Variants in ZFPM1 observed in about 807,000 individuals in gnomAD.
The protein encoded by ZFPM1 is zinc finger protein ZFPM1.
A neutral mutation model predicts 46.3 loss-of-function variants in ZFPM1; 28 were observed. The observed-to-expected ratio is 0.60, with a 90% CI of 0.45 to 0.83. ZFPM1 has a LOEUF of 0.83. Among genes scored for constraint, ZFPM1 ranks in the 40% least tolerant of loss-of-function variants. The pLI is 0.00. For missense variants in ZFPM1, 1,878 were observed against 1,432.4 expected, an observed-to-expected ratio of 1.31 and a Z score of -5.02; for synonymous variants, 957 against 675.9, an observed-to-expected ratio of 1.42 and a Z score of -6.45.
At chr16:88,477,825 G>C (rs1347891264) in intron 1 of ZFPM1, among the ~76,000 whole-genome samples, 1 of 152,242 alleles carries the variant, frequency 6.6e-6, no homozygotes, top group Non-Finnish European at 1.5e-5. Flanking sequence ...CAGGGCCCCT[G>C]CACAGCAGCC....
In ZFPM1 at chr16:88,532,700, AC is replaced by A; in HGVS notation, c.1034del (p.Thr345SerfsTer2). The A allele has an allele frequency of 6.2e-7, 1 of 1,611,258 alleles. No homozygotes were observed. Among genetic ancestry groups the A allele is most frequent in the South Asian group, 1.1e-5 (1 of 90,830 alleles). On this transcript the variant is annotated frameshift_variant, in exon 8 of 10. Coordinates refer to ENST00000319555, the MANE Select transcript of ZFPM1 (RefSeq NM_153813.3). LOFTEE classifies it high-confidence loss of function. Reference protein sequence around the residue: ...CERHLKVHTDTLSGVCHSCGF... With the variant: ...CERHLKVHTDXLSGVCHSCGF... ...GCGGCACCTCAAGGTGCACACGGAC[AC>A]GCTGAGCGGTAGGCACCGCAGGGGC...
At position 88,536,902 on chromosome 16, in the gene ZFPM1, T is replaced by G. The variant is rs1250863944; in HGVS notation, c.*1923T>G. 6.6e-6 allele frequency: 1 copy of G among 152,248 alleles called. No homozygotes were observed. Among genetic ancestry groups the G allele is most frequent in the Non-Finnish European group, 1.5e-5 (1 of 68,060 alleles). The allele number at this position is 152,248 out of a possible 1,614,324, so 9.4% of individuals were successfully genotyped here. A position where few individuals can be genotyped will look rare whatever the true frequency, so the allele number is the denominator to read the frequency against. ...AATTTGCGTGGAGGGTTCAGGAGGCTCTGCCCCCAAGTCCTCCCCAGGTGC... is the reference window on the plus strand; with the variant it reads ...AATTTGCGTGGAGGGTTCAGGAGGCGCTGCCCCCAAGTCCTCCCCAGGTGC... On this transcript the variant is annotated 3_prime_UTR_variant, in exon 10 of 10. Transcript: ENST00000319555.
chr16:88,527,531 G>C (rs563005743), intron 5 of ZFPM1, among the ~76,000 whole-genome samples: 1 of 152,198 alleles, frequency 6.6e-6, no homozygotes, highest in Non-Finnish European at 1.5e-5. Context: ...GAGCGGGCCG[G>C]CTCAGGCCTG....
At chr16:88,477,795 A>G (rs547161784) in intron 1 of ZFPM1, among the ~76,000 whole-genome samples, 1 of 152,396 alleles carries the variant, frequency 6.6e-6, no homozygotes, top group East Asian at 1.9e-4. Context: ...TAAGGCTCTC[A>G]CTGGGAGTGA....
At chr16:88,527,271 A>G (rs7197856) in intron 5 of ZFPM1, among the ~76,000 whole-genome samples, 148,827 of 152,298 alleles carry the variant, frequency 0.98, 72,807 homozygotes, top group Non-Finnish European at 1. Context: ...GGACCCCGAC[A>G]CCAGACTGGC....
intron 1 of ZFPM1, among the ~76,000 whole-genome samples, chr16:88,485,224 G>T (rs139157279): frequency 5.3e-5 from 8 of 152,284 alleles, no homozygotes; most frequent in African/African-American, 1.2e-4. Flanking sequence ...GGGCCCACTC[G>T]CAGCTCCAGG....
At chr16:88,525,655 T>C (rs1167798467) in intron 4 of ZFPM1, among the ~76,000 whole-genome samples, 3 of 152,300 alleles carry the variant, frequency 2.0e-5, no homozygotes, top group African/African-American at 7.2e-5. Context: ...GAGTCAGCCT[T>C]GCAGGAGGGA....
chr16:88,486,583 G>A (rs1391816864), intron 2 of ZFPM1, among the ~76,000 whole-genome samples: 12 of 151,584 alleles, frequency 7.9e-5, no homozygotes, highest in African/African-American at 2.9e-4. Flanking sequence ...GGTGCTAGGT[G>A]CACCATGGGC....
chr16:88,455,386 CA>C (rs967477358), intron 1 of ZFPM1, among the ~76,000 whole-genome samples: 1 of 152,104 alleles, frequency 6.6e-6, no homozygotes, highest in Non-Finnish European at 1.5e-5. Flanking sequence ...GGGACCGGGG[CA>C]GAGAAAGGGC....
At chr16:88,466,360 G>A (rs1336836217) in intron 1 of ZFPM1, among the ~76,000 whole-genome samples, 2 of 152,244 alleles carry the variant, frequency 1.3e-5, no homozygotes, top group South Asian at 4.1e-4. Flanking sequence ...CAGCGAGGTT[G>A]AGTAACTCAC....
intron 4 of ZFPM1, among the ~76,000 whole-genome samples, chr16:88,525,889 G>A (rs1383459041): frequency 6.6e-6 from 1 of 152,228 alleles, no homozygotes; most frequent in Non-Finnish European, 1.5e-5. Context: ...GGCCTCCACG[G>A]GCTCGGCCCA....
chr16:88,480,316 C>T lies in ZFPM1; in HGVS notation c.41-5623C>T, dbSNP rs896078750. On this transcript the variant is annotated intron_variant, in intron 1 of 9. Coordinates refer to ENST00000319555, the MANE Select transcript of ZFPM1 (RefSeq NM_153813.3). The surrounding 1 kb of genome is among the most constrained non-coding windows in gnomAD (Gnocchi z 4.9). ...CTGGTCACTGCAGGATCTCTGGCAC[C>T]TCGTGAGGGTGGGGCACGCCAAGGG... Among the ~76,000 whole-genome samples the T allele has an allele frequency of 1.3e-5, 2 of 152,116 alleles. No individual in the cohort carries two copies. Among genetic ancestry groups the T allele is most frequent in the African/African-American group, 4.8e-5 (2 of 41,426 alleles).
intron 3 of ZFPM1, among the ~76,000 whole-genome samples, chr16:88,501,299 G>A (rs1416583416): frequency 1.4e-4 from 18 of 128,098 alleles, no homozygotes; most frequent in African/African-American, 5.5e-4. Context: ...CCCTCCCGCA[G>A]GTGCTGGTGA....
rs933291110 is a variant in ZFPM1, at chr16:88,534,299, C to A, written c.2341C>A (p.Leu781Ile). The A allele has an allele frequency of 1.1e-5, 14 of 1,252,896 alleles. No individual in the cohort carries two copies. The highest frequency in any genetic ancestry group is 1.6e-5 in the African/African-American group (1 of 62,352). 77.6% of individuals were successfully genotyped at this position (1,252,896 alleles called of 1,614,324 possible). Reference protein sequence around the residue: ...PGSGSGSGPGLAPARSPGPAA... With the variant: ...PGSGSGSGPGIAPARSPGPAA... ...AAGCGGAAGCGGAAGCGGCCCCGGC[C>A]TCGCCCCTGCGCGCTCGCCCGGCCC... Residue 781 changes from leucine (L) to isoleucine (I), a missense_variant, in exon 10 of 10, where the codon CTC becomes ATC. Transcript: ENST00000319555.
At chr16:88,456,861 G>T (rs1399891119) in intron 1 of ZFPM1, among the ~76,000 whole-genome samples, 1 of 152,162 alleles carries the variant, frequency 6.6e-6, no homozygotes, top group Non-Finnish European at 1.5e-5. Flanking sequence ...ACTTTGCAGT[G>T]GAAGGGCCCA....
chr16:88,523,658 G>A (rs1912074773), intron 4 of ZFPM1, among the ~76,000 whole-genome samples: 1 of 152,252 alleles, frequency 6.6e-6, no homozygotes, highest in South Asian at 2.1e-4. Context: ...GACTGGCAGG[G>A]AGGCCCTCAC....
At position 88,534,040 on chromosome 16, in the gene ZFPM1, C is replaced by T. The variant is rs201101217; in HGVS notation, c.2082C>T (p.Arg694=). 876 of 1,362,186 alleles carry T rather than the reference C, an allele frequency of 6.4e-4. 11 individuals are homozygous for T. In the South Asian group the frequency reaches 8.2e-3, roughly 13 times the overall value. The allele number at this position is 1,362,186 out of a possible 1,614,324, so 84.4% of individuals were successfully genotyped here. A position where few individuals can be genotyped will look rare whatever the true frequency, so the allele number is the denominator to read the frequency against. The change falls in exon 10 of 10, where the codon CGC becomes CGT. Residue 694 remains arginine, a synonymous_variant. Coordinates refer to ENST00000319555, the MANE Select transcript of ZFPM1 (RefSeq NM_153813.3). Reference sequence around the variant, plus strand: ...AGGCCTGCAACATCCGCTTCAGCCGCCACGAGACCTACACCGTGCACAAGC... The same window carrying T: ...AGGCCTGCAACATCCGCTTCAGCCGTCACGAGACCTACACCGTGCACAAGC... ...LCEACNIRFS[R]HETYTVHKRY...
In ZFPM1 at chr16:88,535,624, G is replaced by C. The variant is rs1913216922; in HGVS notation, c.*645G>C. ...CCAAGGCTGGGGGAAGAACAGGCGAGTAGGTGGACAGGAGAGGGAGACCGA... is the reference window on the plus strand; with the variant it reads ...CCAAGGCTGGGGGAAGAACAGGCGACTAGGTGGACAGGAGAGGGAGACCGA... On this transcript the variant is annotated 3_prime_UTR_variant, in exon 10 of 10. Coordinates refer to ENST00000319555, the MANE Select transcript of ZFPM1 (RefSeq NM_153813.3). The C allele has an allele frequency of 6.6e-6, 1 of 152,572 alleles. No homozygotes were observed. Among genetic ancestry groups the C allele is most frequent in the African/African-American group, 2.4e-5 (1 of 41,594 alleles). The allele number at this position is 152,572 out of a possible 1,614,324, so 9.5% of individuals were successfully genotyped here.
At chr16:88,485,497 C>G (rs558776058) in intron 1 of ZFPM1, among the ~76,000 whole-genome samples, 14 of 150,438 alleles carry the variant, frequency 9.3e-5, no homozygotes, top group African/African-American at 3.4e-4. Context: ...TGGAGTGCAG[C>G]GGTGCAATCG....
Sources: allele counts gnomAD v4.1 joint callset (sites outside exome capture counted in the v4.1 genomes callset), GRCh38; gene constraint gnomAD v4.1.1; non-coding constraint Gnocchi (gnomAD v3.1); transcripts MANE v1.5; gene names NCBI Gene and HGNC (gene_info 2026-07-23, HGNC 2026-07-21).